Variants in LPIN3 observed in about 807,000 individuals in gnomAD.
The protein encoded by LPIN3 is lipin 3.
Under a neutral mutation model 94.7 loss-of-function variants are expected in LPIN3, and 82 were observed. The ratio of observed to expected loss-of-function variants is 0.87; its 90% CI spans 0.72 to 1.04. LPIN3 has a LOEUF of 1.04. LPIN3 is among the 50% of genes least tolerant of loss of function. LPIN3 has a pLI of 0.00. For synonymous variants in LPIN3, 418 were observed against 443.3 expected (o/e 0.94, Z 0.72); for missense variants, 996 against 1,090.5 (o/e 0.91, Z 1.22).
chr20:41,351,145 G>A (rs924163528), intron 7 of LPIN3, among the ~76,000 whole-genome samples: 11 of 151,634 alleles, frequency 7.3e-5, no homozygotes, highest in African/African-American at 2.4e-4. Flanking sequence ...CCCAACTACT[G>A]AGGAGGCTGA....
Position 41,345,861 on chromosome 20 carries a change from C to T in LPIN3, c.58C>T (p.Arg20Trp), listed in dbSNP as rs150453522. The change falls in exon 2 of 20, where the codon CGG becomes TGG. Residue 20 changes from arginine to tryptophan, a missense_variant. By Grantham distance (101) the Arg-to-Trp change is moderately radical. Transcript: ENST00000373257. ...TVFGTVKELY[R>W]GLNPATLSGG... ...GTTTGGGACGGTGAAGGAGCTGTAC[C>T]GGGGCCTGAACCCAGCCACACTGAG... 28 of 1,614,084 alleles carry T rather than the reference C, an allele frequency of 1.7e-5. No individual in the cohort carries two copies. Among genetic ancestry groups the T allele is most frequent in the East Asian group, 6.7e-5 (3 of 44,896 alleles).
At chr20:41,348,591 C>A (rs372689593) in intron 3 of LPIN3, 28 bp from the exon 4 acceptor site, 1 of 1,577,532 alleles carries the variant, frequency 6.3e-7, no homozygotes, top group African/African-American at 1.3e-5. Flanking sequence ...GGTCAGCCCC[C>A]GACCTCAGTT....
At chr20:41,349,961 T>C (rs2045943341) in intron 6 of LPIN3, 67 bp downstream of exon 6, 1 of 1,573,518 alleles carries the variant, frequency 6.4e-7, no homozygotes, top group Non-Finnish European at 8.6e-7. Context: ...TGGGTCAGGG[T>C]TGGAGGGACT....
At chr20:41,350,029 A>G (rs1037147394) in intron 6 of LPIN3, 26 bp from the exon 7 acceptor site, 85 of 1,571,882 alleles carry the variant, frequency 5.4e-5, no homozygotes, top group Non-Finnish European at 7.1e-5. Context: ...CCTGGCCCAC[A>G]TCTTCCTCCA....
intron 11 of LPIN3, 47 bp downstream of exon 11, chr20:41,352,914 A>C: frequency 6.3e-7 from 1 of 1,598,606 alleles, no homozygotes; most frequent in Non-Finnish European, 8.6e-7. Flanking sequence ...GTAGCCATAG[A>C]CTCAGGGCAC....
intron 11 of LPIN3, among the ~76,000 whole-genome samples, chr20:41,353,459 G>C (rs1044447287): frequency 6.6e-6 from 1 of 152,224 alleles, no homozygotes; most frequent in African/African-American, 2.4e-5. Flanking sequence ...GGAAGGATGG[G>C]TGTGCAGTGC....
intron 1 of LPIN3, among the ~76,000 whole-genome samples, chr20:41,343,981 G>C (rs974579553): frequency 1.3e-5 from 2 of 152,124 alleles, no homozygotes; most frequent in Non-Finnish European, 2.9e-5. Flanking sequence ...AGGATCACTA[G>C]AGCCTGGGAG....
rs369577566 is a variant in LPIN3, at chr20:41,357,352, T to C, written c.1953-9T>C. On this transcript the variant is annotated splice_polypyrimidine_tract_variant and intron_variant, in intron 15 of 19. Coordinates refer to ENST00000373257, the MANE Select transcript of LPIN3 (RefSeq NM_022896.3). ...CTGCCTTGGAGTAACCCTTCCTCTC[T>C]CACTCTAGGTCAGATGCTCTGGGCC... The C allele has an allele frequency of 6.8e-6, 11 of 1,613,360 alleles. No homozygotes were observed. The highest frequency in any genetic ancestry group is 9.3e-6 in the Non-Finnish European group (11 of 1,179,628).
chr20:41,349,635 A>T, intron 5 of LPIN3, 139 bp from the exon 6 acceptor site: 1 of 1,041,286 alleles, frequency 9.6e-7, no homozygotes, highest in Non-Finnish European at 1.3e-6. Context: ...TATACTCTTT[A>T]GATCTTTACA....
chr20:41,356,950 C>T (rs1212978000), intron 14 of LPIN3, 90 bp from the exon 15 acceptor site: 6 of 1,475,864 alleles, frequency 4.1e-6, no homozygotes, highest in East Asian at 2.3e-5. Flanking sequence ...ATGAGAGGCC[C>T]GAGGGGATCG....
In LPIN3 at chr20:41,352,622, C is replaced by T. The variant is rs867880046; in HGVS notation, c.1380C>T (p.His460=). The change falls in exon 10 of 20, where the codon CAC becomes CAT. Residue 460 remains histidine (H), a synonymous_variant. Coordinates refer to ENST00000373257, the MANE Select transcript of LPIN3 (RefSeq NM_022896.3). ...TGTGCCCAGAGAAATTCAACCAGCA[C>T]AGCGTCTCTTACCAGGACCTCACCA... ...RDISLEKFNQ[H]SVSYQDLTKN... 2 of 1,614,134 alleles carry T rather than the reference C, an allele frequency of 1.2e-6. No individual in the cohort carries two copies. The highest frequency in any genetic ancestry group is 2.7e-5 in the African/African-American group (2 of 75,032).
Position 41,358,821 on chromosome 20 carries a change from C to T in LPIN3, c.2511C>T (p.Tyr837=), listed in dbSNP as rs1395002876. ...LANPEYSNFC[Y]WREPLPAVDL... is the part of the protein sequence containing the mutation. ...ACCCTGAATACAGTAACTTCTGCTA[C>T]TGGCGGGAGCCACTGCCTGCTGTGG... Residue 837 remains tyrosine, a synonymous_variant, in exon 20 of 20, where the codon TAC becomes TAT. Coordinates refer to ENST00000373257, the MANE Select transcript of LPIN3 (RefSeq NM_022896.3). 6.2e-7 allele frequency: 1 copy of T among 1,614,086 alleles called. No homozygotes were observed. Among genetic ancestry groups the T allele is most frequent in the East Asian group, 2.2e-5 (1 of 44,882 alleles).
At chr20:41,342,150 T>A (rs1217168129) in intron 1 of LPIN3, among the ~76,000 whole-genome samples, 1 of 152,044 alleles carries the variant, frequency 6.6e-6, no homozygotes, top group Admixed American at 6.5e-5. Flanking sequence ...TTACACAAAG[T>A]CATTAGTTAC....
At position 41,350,142 on chromosome 20, in the gene LPIN3, C is replaced by G; in HGVS notation, c.847C>G (p.Pro283Ala). Residue 283 changes from proline (P) to alanine (A), a missense_variant, in exon 7 of 20, where the codon CCC becomes GCC. Coordinates refer to ENST00000373257, the MANE Select transcript of LPIN3 (RefSeq NM_022896.3). Reference sequence around the variant, plus strand: ...TCCTCCTCGGGGAGGACCCAGCACTCCCTCTACCTCTGTGGCTGGCGGCGT... The same window carrying G: ...TCCTCCTCGGGGAGGACCCAGCACTGCCTCTACCTCTGTGGCTGGCGGCGT... ...TSPPRGGPST[P>A]STSVAGGVDP... 1 of 1,613,134 alleles carries G rather than the reference C, an allele frequency of 6.2e-7. No individual in the cohort carries two copies. Among genetic ancestry groups the G allele is most frequent in the South Asian group, 1.1e-5 (1 of 90,912 alleles).
chr20:41,350,505 G>A (rs2146961652), intron 7 of LPIN3, 108 bp downstream of exon 7: 1 of 857,278 alleles, frequency 1.2e-6, no homozygotes, highest in East Asian at 2.7e-5. Flanking sequence ...GCTAGGTGCT[G>A]TTCTTGGCAC....
rs1405640304 is a variant in LPIN3, at chr20:41,359,886, T to G, written c.*1020T>G. 1 of 152,328 alleles carries G rather than the reference T, an allele frequency of 6.6e-6. No individual in the cohort carries two copies. The highest frequency in any genetic ancestry group is 6.5e-5 in the Admixed American group (1 of 15,292). The allele number at this position is 152,328 out of a possible 1,614,324, so 9.4% of individuals were successfully genotyped here. A position where few individuals can be genotyped will look rare whatever the true frequency, so the allele number is the denominator to read the frequency against. On this transcript the variant is annotated 3_prime_UTR_variant, in exon 20 of 20. Transcript: ENST00000373257. ...TGGTGCTCACAGCTGCTGGGTAAGC[T>G]CTTGCCTAAGGAGCTGTGGGAAGCA...
Position 41,358,441 on chromosome 20 carries a change from TG to T in LPIN3, c.2311del (p.Val771SerfsTer28). The T allele has an allele frequency of 1.2e-6, 2 of 1,614,044 alleles. No homozygotes were observed. Among genetic ancestry groups the T allele is most frequent in the Non-Finnish European group, 1.7e-6 (2 of 1,179,970 alleles). On this transcript the variant is annotated frameshift_variant, in exon 19 of 20. Coordinates refer to ENST00000373257, the MANE Select transcript of LPIN3 (RefSeq NM_022896.3). LOFTEE classifies it high-confidence loss of function. Reference protein sequence around the residue: ...YAAFGNRPNDVFAYRQVGLPE... With the variant: ...YAAFGNRPNDXFAYRQVGLPE... ...TGGGCCCCTCCTGTCTCCCACAGGA[TG>T]TCTTTGCCTACCGGCAGGTGGGCCT...
intron 19 of LPIN3, 79 bp downstream of exon 19, chr20:41,358,621 C>T: frequency 6.2e-7 from 1 of 1,604,120 alleles, no homozygotes; most frequent in Non-Finnish European, 8.5e-7. Flanking sequence ...CCAATTTTAC[C>T]TCTTACCGGG....
intron 9 of LPIN3, 106 bp downstream of exon 9, chr20:41,352,326 G>A (rs1202649312): frequency 7.5e-7 from 1 of 1,336,244 alleles, no homozygotes. Context: ...GAGAGGCTGG[G>A]CTTCCCTGCA....
Sources: gnomAD v4.1 joint callset for allele counts (sites outside exome capture counted in the v4.1 genomes callset) on GRCh38, gnomAD v4.1.1 for gene constraint, MANE v1.5 for transcripts, NCBI Gene and HGNC (gene_info 2026-07-23, HGNC 2026-07-21) for gene names.